The following TEAD1 variants were observed in gnomAD, a reference collection of about 807,000 sequenced individuals.
TEAD1 encodes the protein transcriptional enhancer factor TEF-1.
A neutral mutation model predicts 54.9 loss-of-function variants in TEAD1; 9 were observed. The observed-to-expected ratio is 0.16, with a 90% CI of 0.10 to 0.29. The LOEUF is 0.29. Among genes scored for constraint, TEAD1 ranks in the 10% least tolerant of loss-of-function variants. TEAD1 has a pLI of 1.00. For synonymous variants in TEAD1, 200 were observed against 187.8 expected (o/e 1.07, Z -0.53); for missense variants, 387 against 535.9 (o/e 0.72, Z 2.74).
chr11:12,777,590 T>C (rs1168239607), intron 3 of TEAD1, among the ~76,000 whole-genome samples: 1 of 152,236 alleles, frequency 6.6e-6, no homozygotes, highest in Non-Finnish European at 1.5e-5. Context: ...AGCCACAGCC[T>C]TAAACATATT....
chr11:12,742,239 CTGACTAGTGACA>C (rs1200501445), intron 2 of TEAD1, among the ~76,000 whole-genome samples: 1 of 152,214 alleles, frequency 6.6e-6, no homozygotes, highest in Non-Finnish European at 1.5e-5. Flanking sequence ...ACCTTGACCA[CTGACTAGTGACA>C]TGATTCTGGA....
At chr11:12,753,570 A>G (rs1166035195) in intron 2 of TEAD1, among the ~76,000 whole-genome samples, 1 of 152,218 alleles carries the variant, frequency 6.6e-6, no homozygotes, top group Non-Finnish European at 1.5e-5. Flanking sequence ...TTCATAAAAT[A>G]CATTAGCTTT....
At chr11:12,711,954 CCTCT>C (rs1239788740) in intron 2 of TEAD1, among the ~76,000 whole-genome samples, 1 of 152,076 alleles carries the variant, frequency 6.6e-6, no homozygotes, top group Non-Finnish European at 1.5e-5. Flanking sequence ...GCAGAGCCTG[CCTCT>C]CTCTTCTCTA....
intron 9 of TEAD1, among the ~76,000 whole-genome samples, chr11:12,896,127 T>C (rs952274220): frequency 1.3e-5 from 2 of 152,246 alleles, no homozygotes. Context: ...TTTCCTTAAT[T>C]GTAAAACGTT....
chr11:12,823,109 C>A (rs928233102), intron 3 of TEAD1, among the ~76,000 whole-genome samples: 2 of 152,122 alleles, frequency 1.3e-5, no homozygotes, highest in African/African-American at 4.8e-5. Flanking sequence ...CTCATAGCAG[C>A]GAAGAAGAGA....
chr11:12,877,047 A>G (rs967039547), intron 5 of TEAD1, among the ~76,000 whole-genome samples: 2 of 152,212 alleles, frequency 1.3e-5, no homozygotes, highest in East Asian at 1.9e-4. Flanking sequence ...ACATGTTTCA[A>G]ATCTTAAAAA....
intron 3 of TEAD1, among the ~76,000 whole-genome samples, chr11:12,851,340 C>T (rs1315766730): frequency 3.3e-5 from 5 of 152,012 alleles, no homozygotes; most frequent in Non-Finnish European, 7.3e-5. Flanking sequence ...TAGAATTATG[C>T]TAGACACTTT....
chr11:12,680,014 A>G (rs1360747358), intron 2 of TEAD1, among the ~76,000 whole-genome samples: 1 of 148,988 alleles, frequency 6.7e-6, no homozygotes, highest in African/African-American at 2.5e-5. Flanking sequence ...TGAATATTTT[A>G]TTACCATCTG....
chr11:12,693,220 G>A lies in TEAD1; in HGVS notation c.-55+17659G>A, dbSNP rs117802835. The stretch of plus-strand genomic sequence containing the variant: ...TAAGTCCTGGGCTGTGTGCACATGT[G>A]TGTGTGCGTGTGTGCATGCGCACAG... On this transcript the variant is annotated intron_variant, in intron 2 of 12. Coordinates refer to ENST00000527636, the MANE Select transcript of TEAD1 (RefSeq NM_021961.6). 1.1e-4 allele frequency among the ~76,000 whole-genome samples: 17 copies of A among 152,336 alleles called. No homozygotes were observed. The East Asian group carries it at 3.1e-3, about 28-fold the overall frequency.
chr11:12,704,765 A>G (rs111678615), intron 2 of TEAD1, among the ~76,000 whole-genome samples: 1,817 of 152,278 alleles, frequency 0.012, 35 homozygotes, highest in African/African-American at 0.041. Flanking sequence ...AAGTCAAAGG[A>G]TTGGGATGGG....
At chr11:12,783,138 G>GCA (rs1354717802) in intron 3 of TEAD1, among the ~76,000 whole-genome samples, 32 of 149,188 alleles carry the variant, frequency 2.1e-4, no homozygotes, top group East Asian at 1.8e-3. Context: ...GTGTGTGCGC[G>GCA]CACTTTCTTT....
chr11:12,794,305 A>C (rs756653931), intron 3 of TEAD1, among the ~76,000 whole-genome samples: 1 of 152,162 alleles, frequency 6.6e-6, no homozygotes, highest in Non-Finnish European at 1.5e-5. Flanking sequence ...CTCTATCCTC[A>C]TTAGCGTGAT....
At chr11:12,817,948 C>T (rs1011791461) in intron 3 of TEAD1, among the ~76,000 whole-genome samples, 4 of 152,234 alleles carry the variant, frequency 2.6e-5, no homozygotes, top group African/African-American at 9.6e-5. Context: ...TGGTTATTAG[C>T]TGCAAAGAAA....
intron 12 of TEAD1, among the ~76,000 whole-genome samples, chr11:12,931,490 CA>C (rs1949009824): frequency 1.3e-5 from 2 of 152,302 alleles, no homozygotes; most frequent in African/African-American, 4.8e-5. Flanking sequence ...ATTAAGAATC[CA>C]TACAGCAGGA....
At chr11:12,734,121 G>T (rs192121676) in intron 2 of TEAD1, among the ~76,000 whole-genome samples, 282 of 152,258 alleles carry the variant, frequency 1.9e-3, no homozygotes, top group African/African-American at 6.4e-3. Flanking sequence ...TTGCCATGTT[G>T]CCCAGGCTGG....
chr11:12,690,262 A>G (rs943911865), intron 2 of TEAD1, among the ~76,000 whole-genome samples: 2 of 145,660 alleles, frequency 1.4e-5, no homozygotes, highest in African/African-American at 5.0e-5. Context: ...AAAAAAAAAA[A>G]ATAATAAGCC....
chr11:12,711,134 C>T (rs1943927989), intron 2 of TEAD1, among the ~76,000 whole-genome samples: 1 of 152,098 alleles, frequency 6.6e-6, no homozygotes, highest in South Asian at 2.1e-4. Flanking sequence ...AGGAAGTTCC[C>T]TCTGACTCTG....
chr11:12,760,686 C>T (rs1006362283), intron 2 of TEAD1, among the ~76,000 whole-genome samples: 7 of 152,102 alleles, frequency 4.6e-5, no homozygotes, highest in African/African-American at 7.2e-5. Context: ...AGGTAATTTG[C>T]GTGACAGTTG....
chr11:12,903,194 G>A (rs570543485), intron 10 of TEAD1, among the ~76,000 whole-genome samples: 2 of 152,296 alleles, frequency 1.3e-5, no homozygotes, highest in South Asian at 4.2e-4. Context: ...AAGGCTCGTA[G>A]ATCACCAGAG....
Sources: gnomAD v4.1 joint callset for allele counts (sites outside exome capture counted in the v4.1 genomes callset) on GRCh38, gnomAD v4.1.1 for gene constraint, MANE v1.5 for transcripts, NCBI Gene and HGNC (gene_info 2026-07-23, HGNC 2026-07-21) for gene names.